Variants in PLPP3 observed in about 807,000 individuals in gnomAD.
The protein encoded by PLPP3 is PAP2 beta.
PLPP3 carries 6 observed loss-of-function variants against 29.6 expected under a neutral mutation model. The ratio of observed to expected loss-of-function variants is 0.20; its 90% CI spans 0.11 to 0.40. The LOEUF is 0.40. PLPP3 is among the 10% of genes least tolerant of loss of function. The pLI is 1.00. For synonymous variants in PLPP3, 152 were observed against 159.7 expected (o/e 0.95, Z 0.36); for missense variants, 308 against 407.7 (o/e 0.76, Z 2.11).
At chr1:56,530,484 A>T (rs2100257859) in intron 2 of PLPP3, among the ~76,000 whole-genome samples, 1 of 152,274 alleles carries the variant, frequency 6.6e-6, no homozygotes, top group East Asian at 1.9e-4. Context: ...TCCTGTCCCA[A>T]ACTTCACTTC....
At chr1:56,515,964 G>A (rs1645777698) in intron 4 of PLPP3, among the ~76,000 whole-genome samples, 2 of 152,108 alleles carry the variant, frequency 1.3e-5, no homozygotes, top group Non-Finnish European at 1.5e-5. Flanking sequence ...GGCACAGGAC[G>A]GGCACTCAGG....
intron 5 of PLPP3, among the ~76,000 whole-genome samples, chr1:56,508,832 C>A (rs1240061440): frequency 6.6e-6 from 1 of 152,174 alleles, no homozygotes; most frequent in Non-Finnish European, 1.5e-5. Flanking sequence ...GTTCCCCACA[C>A]CTCCTCACAG....
At chr1:56,554,464 C>T (rs906811907) in intron 1 of PLPP3, among the ~76,000 whole-genome samples, 8 of 150,808 alleles carry the variant, frequency 5.3e-5, no homozygotes, top group African/African-American at 9.8e-5. Flanking sequence ...CCCAGCTACT[C>T]GGGAGGCTGA....
rs1646085318 is a variant in PLPP3 at position 56,557,026 on chromosome 1, A to AGAGAAAGAAAG, written c.140-19915_140-19914insCTTTCTTTCTC. Among the ~76,000 whole-genome samples the AGAGAAAGAAAG allele has an allele frequency of 3.9e-3, 37 of 9,528 alleles. 9 individuals are homozygous for AGAGAAAGAAAG. The highest frequency in any genetic ancestry group is 0.031 in the South Asian group (12 of 386). 6.3% of individuals were successfully genotyped at this position (9,528 alleles called of 152,430 possible). A position where few individuals can be genotyped will look rare whatever the true frequency, so the allele number is the denominator to read the frequency against. On this transcript the variant is annotated intron_variant, in intron 1 of 5. Coordinates refer to ENST00000371250, the MANE Select transcript of PLPP3 (RefSeq NM_003713.5). The stretch of plus-strand genomic sequence containing the variant: ...AGAAAGAAAGAGAGAGAGAGAGAGA[A>AGAGAAAGAAAG]AGAGAGAGAGAGAGAGAGAGAGAGA...
chr1:56,498,005 T>C (rs1645640830), intron 5 of PLPP3, among the ~76,000 whole-genome samples: 1 of 152,054 alleles, frequency 6.6e-6, no homozygotes, highest in African/African-American at 2.4e-5. Context: ...ACCCATTGCA[T>C]ATATTACCTA....
chr1:56,571,694 C>T (rs1366595499), intron 1 of PLPP3, among the ~76,000 whole-genome samples: 1 of 152,204 alleles, frequency 6.6e-6, no homozygotes, highest in Non-Finnish European at 1.5e-5. Context: ...GTCTACTCCA[C>T]TGCCCAATAA....
chr1:56,533,114 G>A (rs916187333), intron 2 of PLPP3, among the ~76,000 whole-genome samples: 16 of 151,906 alleles, frequency 1.1e-4, no homozygotes, highest in African/African-American at 3.6e-4. Flanking sequence ...GAGTGCAGTG[G>A]CATGATCTTG....
intron 5 of PLPP3, among the ~76,000 whole-genome samples, 187 bp from the exon 6 acceptor site, chr1:56,496,863 G>A (rs1039140965): frequency 2.0e-5 from 3 of 152,262 alleles, no homozygotes; most frequent in South Asian, 2.1e-4. Flanking sequence ...ACTGAGACCC[G>A]GGAAAAGGCA....
chr1:56,543,421 A>T (rs1217625895), intron 1 of PLPP3, among the ~76,000 whole-genome samples: 7 of 152,192 alleles, frequency 4.6e-5, no homozygotes, highest in Non-Finnish European at 7.3e-5. Flanking sequence ...TTCTTACTCT[A>T]TGACCTGACC....
At chr1:56,568,194 T>C (rs1173790675) in intron 1 of PLPP3, among the ~76,000 whole-genome samples, 1 of 152,058 alleles carries the variant, frequency 6.6e-6, no homozygotes, top group South Asian at 2.1e-4. Context: ...TTTGCAGTGA[T>C]GAAATGTTCT....
At chr1:56,548,596 A>G (rs957547500) in intron 1 of PLPP3, among the ~76,000 whole-genome samples, 2 of 152,184 alleles carry the variant, frequency 1.3e-5, no homozygotes, top group Non-Finnish European at 2.9e-5. Context: ...CCTCCTTTGA[A>G]GGGGAGACTC....
Position 56,578,935 on chromosome 1 carries a change from T to C in PLPP3, c.82A>G (p.Arg28Gly), listed in dbSNP as rs1456547160. Residue 28 changes from arginine to glycine, a missense_variant, in exon 1 of 6, where the codon AGG (arginine) becomes GGG (glycine). Around this residue, in one of 3 missense-constraint regions of PLPP3, gnomAD observed 67 missense variants for 61.3 expected, o/e 1.09. Transcript: ENST00000371250. ...GSPALNNNPRRSGSKRVLLIC... is the reference protein window; with the variant it reads ...GSPALNNNPRGSGSKRVLLIC... ...AGCAGCACCCGCTTGCTGCCGCTCC[T>C]CCTCGGGTTGTTGTTGAGCGCCGGG... 1 of 1,606,174 alleles carries C rather than the reference T, an allele frequency of 6.2e-7. No individual in the cohort carries two copies. Among genetic ancestry groups the C allele is most frequent in the African/African-American group, 1.4e-5 (1 of 73,596 alleles).
At chr1:56,550,307 T>C (rs779999148) in intron 1 of PLPP3, among the ~76,000 whole-genome samples, 1 of 152,170 alleles carries the variant, frequency 6.6e-6, no homozygotes, top group South Asian at 2.1e-4. Flanking sequence ...GGTGGTTTGT[T>C]ATAGGAACCC....
intron 4 of PLPP3, among the ~76,000 whole-genome samples, chr1:56,519,936 A>G (rs1645807857): frequency 1.3e-5 from 2 of 152,164 alleles, no homozygotes; most frequent in Admixed American, 1.3e-4. Flanking sequence ...GGCTGCTGTG[A>G]AAAGCCTGGA....
rs1316309327 is a variant in PLPP3, at chr1:56,512,137, G to A, written c.649C>T (p.Arg217Cys). The change falls in exon 5 of 6, where the codon CGC becomes TGC. Residue 217 changes from arginine (R) to cysteine (C), a missense_variant. Around this residue, in one of 3 missense-constraint regions of PLPP3, gnomAD observed 232 missense variants for 317.2 expected, o/e 0.73. Coordinates refer to ENST00000371250, the MANE Select transcript of PLPP3 (RefSeq NM_003713.5). ...AGGCGGGCTCCTCGCCAAGTGAAGC[G>A]GGCCTGCAGGTATAGCTGGAGAAAG... is the stretch of plus-strand genomic sequence containing the variant. The part of the protein sequence containing the change: ...MLYLVLYLQA[R>C]FTWRGARLLR... 20 of 1,601,554 alleles carry A rather than the reference G, an allele frequency of 1.2e-5. No homozygotes were observed. Among genetic ancestry groups the A allele is most frequent in the African/African-American group, 4.0e-5 (3 of 74,242 alleles).
At chr1:56,528,699 A>C (rs1321243668) in intron 2 of PLPP3, among the ~76,000 whole-genome samples, 1 of 151,842 alleles carries the variant, frequency 6.6e-6, no homozygotes, top group Non-Finnish European at 1.5e-5. Flanking sequence ...AATAAAAAAC[A>C]TGTTTTGTAG....
intron 5 of PLPP3, among the ~76,000 whole-genome samples, chr1:56,502,036 A>G (rs1264479652): frequency 6.6e-6 from 1 of 152,224 alleles, no homozygotes; most frequent in Non-Finnish European, 1.5e-5. Context: ...GGGAGCACAC[A>G]CAGTCCAGCC....
At chr1:56,521,556 A>C (rs1050943428) in intron 4 of PLPP3, among the ~76,000 whole-genome samples, 1 of 152,080 alleles carries the variant, frequency 6.6e-6, no homozygotes, top group African/African-American at 2.4e-5. Context: ...AGGATGGATT[A>C]AGGAGGCTCT....
chr1:56,529,510 C>T (rs191229020), intron 2 of PLPP3, among the ~76,000 whole-genome samples: 7 of 152,278 alleles, frequency 4.6e-5, no homozygotes, highest in Admixed American at 2.6e-4. Context: ...ATTCAACAAA[C>T]TGTTGATGAT....
Sources: allele counts gnomAD v4.1 joint callset (sites outside exome capture counted in the v4.1 genomes callset), GRCh38; gene constraint gnomAD v4.1.1; regional missense constraint gnomAD v4.1.1; transcripts MANE v1.5; gene names NCBI Gene and HGNC (gene_info 2026-07-23, HGNC 2026-07-21).